Variants in FGF20 observed in about 807,000 individuals in gnomAD.
The protein encoded by FGF20 is fibroblast growth factor 20.
FGF20 carries 8 observed loss-of-function variants against 16.7 expected under a neutral mutation model. The observed-to-expected ratio is 0.48, with a 90% CI of 0.28 to 0.87. The LOEUF (loss-of-function observed/expected upper bound fraction) is 0.87. Among genes scored for constraint, FGF20 ranks in the 40% least tolerant of loss-of-function variants. The pLI is 0.10. For synonymous variants in FGF20, 161 were observed against 118.6 expected, an observed-to-expected ratio of 1.36 and a Z score of -2.32; for missense variants, 397 against 281.4, an observed-to-expected ratio of 1.41 and a Z score of -2.94.
rs1007393617 is a variant in FGF20 at position 17,001,731 on chromosome 8, G to A, written c.286+16C>T. The stretch of plus-strand genomic sequence containing the variant: ...TGGGGCGCAGATGGGGGTGGGGTCG[G>A]GATGCTAGTACGTACCGAAGAGGCT... On this transcript the variant is annotated intron_variant, in intron 1 of 2. Transcript: ENST00000180166. 5.7e-6 allele frequency: 9 copies of A among 1,569,322 alleles called. No homozygotes were observed. The highest frequency in any genetic ancestry group is 1.4e-5 in the African/African-American group (1 of 71,578).
intron 1 of FGF20, among the ~76,000 whole-genome samples, chr8:16,998,587 A>G (rs1810109711): frequency 6.6e-6 from 1 of 152,132 alleles, no homozygotes; most frequent in Admixed American, 6.5e-5. Context: ...TGTCCCATAA[A>G]AAGACTTGGA....
Position 17,001,774 on chromosome 8 carries a change from C to G in FGF20, c.259G>C (p.Gly87Arg). The change falls in exon 1 of 3, where the codon GGC becomes CGC. Residue 87 changes from glycine (G) to arginine (R), a missense_variant. Physicochemically the swap from Gly to Arg is moderately radical, Grantham distance 125. Coordinates refer to ENST00000180166, the MANE Select transcript of FGF20 (RefSeq NM_019851.3). ...LQILPDGSVQGTRQDHSLFGI... is the reference protein window; with the variant it reads ...LQILPDGSVQRTRQDHSLFGI... ...AAGAGGCTGTGGTCCTGCCGGGTGC[C>G]CTGCACGCTGCCGTCGGGCAGGATC... is the stretch of plus-strand genomic sequence containing the variant. The G allele has an allele frequency of 6.3e-7, 1 of 1,575,498 alleles. No individual in the cohort carries two copies. The highest frequency in any genetic ancestry group is 8.6e-7 in the Non-Finnish European group (1 of 1,164,604).
intron 1 of FGF20, among the ~76,000 whole-genome samples, chr8:17,000,196 C>G (rs1810150477): frequency 6.6e-6 from 1 of 152,086 alleles, no homozygotes; most frequent in South Asian, 2.1e-4. Context: ...AAACCACTTT[C>G]TAAAAGTGAC....
intron 1 of FGF20, among the ~76,000 whole-genome samples, chr8:16,996,774 T>C (rs1329671178): frequency 6.6e-6 from 1 of 152,168 alleles, no homozygotes; most frequent in Non-Finnish European, 1.5e-5. Context: ...ATTTTACATA[T>C]AAAGAAATGG....
At chr8:16,999,523 T>TC (rs1255457647) in intron 1 of FGF20, among the ~76,000 whole-genome samples, 1 of 136,264 alleles carries the variant, frequency 7.3e-6, no homozygotes, top group East Asian at 2.1e-4. Flanking sequence ...GTTTCCTTTT[T>TC]TTTTTTTTTT....
At chr8:16,996,169 G>A (rs769786284) in intron 1 of FGF20, among the ~76,000 whole-genome samples, 3 of 151,996 alleles carry the variant, frequency 2.0e-5, no homozygotes, top group South Asian at 2.1e-4. Flanking sequence ...CTCTTGCTTT[G>A]CTTAGTTGTT....
chr8:17,001,195 C>G (rs933431602), intron 1 of FGF20, among the ~76,000 whole-genome samples: 1 of 152,136 alleles, frequency 6.6e-6, no homozygotes, highest in African/African-American at 2.4e-5. Flanking sequence ...TCTAGGTAGA[C>G]ACGTAAATGC....
At position 17,001,816 on chromosome 8, in the gene FGF20, T is replaced by A; in HGVS notation, c.217A>T (p.Thr73Ser). The A allele has an allele frequency of 6.4e-7, 1 of 1,554,220 alleles. No individual in the cohort carries two copies. The highest frequency in any genetic ancestry group is 1.2e-5 in the South Asian group (1 of 85,068). ...GGCAGGATCTGCAGGTGGAAGCCGG[T>A]GCGGCAATAGAGCTGCCGGCGGCGC... is the stretch of plus-strand genomic sequence containing the variant. ...ILRRRQLYCRTGFHLQILPDG... is the reference protein window; with the variant it reads ...ILRRRQLYCRSGFHLQILPDG... Residue 73 changes from threonine (T) to serine (S), a missense_variant, in exon 1 of 3, where the codon ACC becomes TCC. By Grantham distance (58) the Thr-to-Ser change is moderately conservative (BLOSUM62 1). Coordinates refer to ENST00000180166, the MANE Select transcript of FGF20 (RefSeq NM_019851.3).
intron 1 of FGF20, 66 bp downstream of exon 1, chr8:17,001,681 A>G (rs1297179188): frequency 6.8e-7 from 1 of 1,469,444 alleles, no homozygotes; most frequent in Non-Finnish European, 9.0e-7. Flanking sequence ...AGGGAGGTGC[A>G]AGGGGAGGGA....
intron 1 of FGF20, among the ~76,000 whole-genome samples, chr8:17,000,102 C>G (rs1810148555): frequency 6.6e-6 from 1 of 152,022 alleles, no homozygotes; most frequent in African/African-American, 2.4e-5. Flanking sequence ...TGGCTCATGC[C>G]TGTAATCCCA....
intron 1 of FGF20, among the ~76,000 whole-genome samples, chr8:17,001,406 G>A (rs1057473972): frequency 1.3e-5 from 2 of 152,142 alleles, no homozygotes; most frequent in African/African-American, 4.8e-5. Flanking sequence ...GAACCGTGAT[G>A]CCGAGTGCAC....
intron 1 of FGF20, among the ~76,000 whole-genome samples, chr8:17,000,595 T>A (rs1356291202): frequency 6.6e-6 from 1 of 152,068 alleles, no homozygotes; most frequent in South Asian, 2.1e-4. Context: ...TGTCAAAAGT[T>A]TGATAATCAA....
chr8:17,002,055 A>G lies in FGF20; in HGVS notation c.-23T>C. The stretch of plus-strand genomic sequence containing the variant: ...CATGGAGGGGGAGATCCGGAACACA[A>G]AAGACCCCCCCAGTAAAGAGTGTTG... On this transcript the variant is annotated 5_prime_UTR_variant, in exon 1 of 3. Transcript: ENST00000180166. The G allele has an allele frequency of 1.3e-6, 2 of 1,520,998 alleles. No individual in the cohort carries two copies. The highest frequency in any genetic ancestry group is 1.8e-6 in the Non-Finnish European group (2 of 1,136,464). 94.2% of individuals were successfully genotyped at this position (1,520,998 alleles called of 1,614,324 possible).
chr8:16,996,135 C>T (rs972939260), intron 1 of FGF20, among the ~76,000 whole-genome samples: 1 of 152,076 alleles, frequency 6.6e-6, no homozygotes, highest in Non-Finnish European at 1.5e-5. Context: ...GAGATGGGGG[C>T]CTGTTAACAG....
intron 1 of FGF20, among the ~76,000 whole-genome samples, chr8:17,000,632 A>G (rs1048233948): frequency 1.3e-5 from 2 of 152,098 alleles, no homozygotes; most frequent in African/African-American, 4.8e-5. Flanking sequence ...TAGCAGGTTA[A>G]CTAATAGAAT....
rs17514908 is a variant in FGF20 at position 17,001,751 on chromosome 8, G to T, written c.282C>A (p.Leu94=). 662 of 1,578,922 alleles carry T rather than the reference G, an allele frequency of 4.2e-4. 4 individuals are homozygous for T. In the African/African-American group the frequency reaches 8.3e-3, roughly 20 times the overall value. The change falls in exon 1 of 3, where the codon CTC becomes CTA. Residue 94 remains leucine (L), a synonymous_variant. Coordinates refer to ENST00000180166, the MANE Select transcript of FGF20 (RefSeq NM_019851.3). ...GGTCGGGATGCTAGTACGTACCGAA[G>T]AGGCTGTGGTCCTGCCGGGTGCCCT... ...SVQGTRQDHS[L]FGILEFISVA... is the part of the protein sequence containing the mutation.
chr8:16,997,848 A>T (rs1051178529), intron 1 of FGF20, among the ~76,000 whole-genome samples: 26 of 152,234 alleles, frequency 1.7e-4, no homozygotes, highest in African/African-American at 5.3e-4. Flanking sequence ...GAAAATATAT[A>T]TATTAATGTA....
Position 16,998,499 on chromosome 8 carries a change from T to A in FGF20, c.287-2741A>T, listed in dbSNP as rs1810107497. Among the ~76,000 whole-genome samples the A allele has an allele frequency of 1.3e-5, 2 of 152,208 alleles. 1 individual carries two copies. Among genetic ancestry groups the A allele is most frequent in the South Asian group, 4.1e-4 (2 of 4,830 alleles). Reference sequence around the variant, plus strand: ...TAATATGAGGTAGCAACTAAGCTAATTCCTTTACAAAGAGTAGACATGAAA... The same window carrying A: ...TAATATGAGGTAGCAACTAAGCTAAATCCTTTACAAAGAGTAGACATGAAA... On this transcript the variant is annotated intron_variant, in intron 1 of 2. Coordinates refer to ENST00000180166, the MANE Select transcript of FGF20 (RefSeq NM_019851.3).
At chr8:16,998,195 T>C (rs1810100885) in intron 1 of FGF20, among the ~76,000 whole-genome samples, 1 of 152,190 alleles carries the variant, frequency 6.6e-6, no homozygotes, top group Non-Finnish European at 1.5e-5. Context: ...AAAAAATATG[T>C]AGCTGTAGAA....
Sources: gnomAD v4.1 joint callset for allele counts (sites outside exome capture counted in the v4.1 genomes callset) on GRCh38, gnomAD v4.1.1 for gene constraint, MANE v1.5 for transcripts, NCBI Gene and HGNC (gene_info 2026-07-23, HGNC 2026-07-21) for gene names.